SNAPC1: variants seen among roughly 807,000 people sequenced by gnomAD.
SNAPC1 encodes the protein snRNA-activating protein complex subunit 1.
In SNAPC1, 42 loss-of-function variants were observed where a neutral mutation model predicts 50.1. The observed-to-expected ratio is 0.84, with a 90% CI of 0.65 to 1.08. The LOEUF (loss-of-function observed/expected upper bound fraction) is 1.08. Ranked by LOEUF, SNAPC1 falls within the 50% of genes least tolerant of loss-of-function variation. SNAPC1 has a pLI of 0.00. For synonymous variants in SNAPC1, 164 were observed against 144.2 expected, an observed-to-expected ratio of 1.14 and a Z score of -0.98; for missense variants, 477 against 427.3, an observed-to-expected ratio of 1.12 and a Z score of -1.02.
At chr14:61,794,615 A>G (rs1159618014) in intron 9 of SNAPC1, among the ~76,000 whole-genome samples, 1 of 152,122 alleles carries the variant, frequency 6.6e-6, no homozygotes, top group African/African-American at 2.4e-5. Flanking sequence ...TCACCATGTT[A>G]GCCAGGATGG....
chr14:61,770,204 C>G (rs1404075818), intron 4 of SNAPC1, among the ~76,000 whole-genome samples: 1 of 150,824 alleles, frequency 6.6e-6, no homozygotes, highest in Non-Finnish European at 1.5e-5. Flanking sequence ...CTTAGATTTA[C>G]TCAAATGTTT....
chr14:61,774,011 C>T (rs1038805620), intron 4 of SNAPC1, among the ~76,000 whole-genome samples: 1 of 152,056 alleles, frequency 6.6e-6, no homozygotes, highest in Non-Finnish European at 1.5e-5. Context: ...GCACGGCCCC[C>T]AGTTTTAAAA....
chr14:61,779,069 C>G (rs1594648012), intron 7 of SNAPC1, among the ~76,000 whole-genome samples, 159 bp downstream of exon 7: 1 of 152,172 alleles, frequency 6.6e-6, no homozygotes, highest in East Asian at 1.9e-4. Flanking sequence ...CACTTCCCAC[C>G]CTTGTATTCC....
intron 7 of SNAPC1, among the ~76,000 whole-genome samples, chr14:61,780,548 T>C (rs1594648605): frequency 6.6e-6 from 1 of 152,344 alleles, no homozygotes; most frequent in East Asian, 1.9e-4. Context: ...GTTTTTTGTT[T>C]GTTGAATTAA....
chr14:61,788,615 T>C (rs866376662), intron 8 of SNAPC1, among the ~76,000 whole-genome samples: 31 of 152,148 alleles, frequency 2.0e-4, no homozygotes, highest in African/African-American at 7.5e-4. Context: ...ATTAAAGATA[T>C]ATAAATTAAA....
rs187838304 is a variant in SNAPC1 at position 61,785,356 on chromosome 14, G to A, written c.976+2959G>A. On this transcript the variant is annotated intron_variant, in intron 8 of 9. Transcript: ENST00000216294. ...GGAGGTTGCGGTGAGCCAAGATCGC[G>A]CCAAGATGGAGCCTTTGCGCTCCAA... 2.7e-4 allele frequency among the ~76,000 whole-genome samples: 41 copies of A among 152,220 alleles called. 2 individuals carry two copies. Among genetic ancestry groups the A allele is most frequent in the Admixed American group, 2.7e-3 (41 of 15,286 alleles).
At chr14:61,778,244 T>C in intron 6 of SNAPC1, 104 bp downstream of exon 6, 1 of 626,156 alleles carries the variant, frequency 1.6e-6, no homozygotes, top group African/African-American at 1.9e-5. Flanking sequence ...AAATTCTGAA[T>C]CATGCTTCTG....
chr14:61,774,452 A>G (rs2045018676), intron 4 of SNAPC1, among the ~76,000 whole-genome samples: 2 of 152,120 alleles, frequency 1.3e-5, no homozygotes, highest in Admixed American at 6.5e-5. Context: ...ATTGTCATCC[A>G]TTGAGCAAAT....
chr14:61,766,761 A>C, intron 1 of SNAPC1, 115 bp from the exon 2 acceptor site: 3 of 521,630 alleles, frequency 5.8e-6, no homozygotes, highest in Non-Finnish European at 1.0e-5. Flanking sequence ...TGAAAGAATC[A>C]GGTATGGAAT....
At chr14:61,777,020 GAA>G (rs1031652904) in intron 5 of SNAPC1, among the ~76,000 whole-genome samples, 2 of 151,852 alleles carry the variant, frequency 1.3e-5, no homozygotes, top group Non-Finnish European at 2.9e-5. Flanking sequence ...GTAAATCTAG[GAA>G]AAAAAATTTT....
rs138759765 is a variant in SNAPC1, at chr14:61,762,420, AGAGGCGTGCGGGCTTCG to A, written c.-22_-6del. On this transcript the variant is annotated 5_prime_UTR_variant, in exon 1 of 10. Transcript: ENST00000216294. ...GGCGACCACCGCTGGCTAGTCCGTT[AGAGGCGTGCGGGCTTCG>A]GAGGCGTGCGGGCTTCGGGTGCCAT... 78 of 1,388,560 alleles carry A rather than the reference AGAGGCGTGCGGGCTTCG, an allele frequency of 5.6e-5. No homozygotes were observed. The highest frequency in any genetic ancestry group is 3.2e-4 in the African/African-American group (21 of 65,986). 86.0% of individuals were successfully genotyped at this position (1,388,560 alleles called of 1,614,324 possible).
Position 61,792,810 on chromosome 14 carries a change from A to G in SNAPC1, c.980A>G (p.Asn327Ser), listed in dbSNP as rs373863055. The stretch of plus-strand genomic sequence containing the variant: ...ATCATTTTCTAAATATTTCTAGGCA[A>G]TGTGCAGAATATACACAAGGAAGAT... ...GRKMSLRNKG[N>S]VQNIHKEDKP... The change falls in exon 9 of 10, where the codon AAT (asparagine) becomes AGT (serine). Residue 327 changes from asparagine (N) to serine (S), a missense_variant. Transcript: ENST00000216294. 1.2e-5 allele frequency: 18 copies of G among 1,476,348 alleles called. No individual in the cohort carries two copies. Among genetic ancestry groups the G allele is most frequent in the South Asian group, 6.3e-5 (5 of 79,840 alleles). The allele number at this position is 1,476,348 out of a possible 1,614,324, so 91.5% of individuals were successfully genotyped here.
At chr14:61,769,508 C>T (rs957489355) in intron 4 of SNAPC1, among the ~76,000 whole-genome samples, 1 of 150,432 alleles carries the variant, frequency 6.6e-6, no homozygotes, top group South Asian at 2.2e-4. Flanking sequence ...AGCAATTCTC[C>T]TGCCTCAGCC....
Position 61,768,676 on chromosome 14 carries a change from T to G in SNAPC1, c.470T>G (p.Val157Gly). ...AAGAAAAAAATTCACCGAGCTGAAG[T>G]TACAGAAGAATTTAAGGACCCAAGT... ...RMKKKIHRAEVTEEFKDPSDR... is the reference protein window; with the variant it reads ...RMKKKIHRAEGTEEFKDPSDR... The change falls in exon 4 of 10, where the codon GTT becomes GGT. Residue 157 changes from valine (V) to glycine (G), a missense_variant. Coordinates refer to ENST00000216294, the MANE Select transcript of SNAPC1 (RefSeq NM_003082.4). 1 of 1,611,784 alleles carries G rather than the reference T, an allele frequency of 6.2e-7. No homozygotes were observed. The highest frequency in any genetic ancestry group is 8.5e-7 in the Non-Finnish European group (1 of 1,178,146).
intron 7 of SNAPC1, among the ~76,000 whole-genome samples, chr14:61,779,958 C>T (rs2045060481): frequency 6.6e-6 from 1 of 152,176 alleles, no homozygotes; most frequent in Non-Finnish European, 1.5e-5. Context: ...ATCCACCTGC[C>T]TTGGCCTCCC....
intron 4 of SNAPC1, among the ~76,000 whole-genome samples, chr14:61,771,106 C>T (rs1465824920): frequency 1.3e-5 from 2 of 152,056 alleles, no homozygotes; most frequent in Non-Finnish European, 2.9e-5. Context: ...GTGTTCATGT[C>T]CCCCAAAAAG....
intron 4 of SNAPC1, among the ~76,000 whole-genome samples, chr14:61,774,074 A>G (rs1010193974): frequency 1.3e-5 from 2 of 152,126 alleles, no homozygotes; most frequent in South Asian, 4.1e-4. Flanking sequence ...GGTGAGGCAC[A>G]ATAAGGTACA....
At chr14:61,770,176 G>C (rs2044977221) in intron 4 of SNAPC1, among the ~76,000 whole-genome samples, 1 of 151,086 alleles carries the variant, frequency 6.6e-6, no homozygotes. Flanking sequence ...TATTACAATT[G>C]AAAGACAGGG....
At chr14:61,786,949 T>C (rs2045118960) in intron 8 of SNAPC1, among the ~76,000 whole-genome samples, 1 of 152,192 alleles carries the variant, frequency 6.6e-6, no homozygotes, top group South Asian at 2.1e-4. Flanking sequence ...TGCAATGAAA[T>C]ACAACCCAGC....
Sources: allele counts gnomAD v4.1 joint callset (sites outside exome capture counted in the v4.1 genomes callset), GRCh38; gene constraint gnomAD v4.1.1; transcripts MANE v1.5; gene names NCBI Gene and HGNC (gene_info 2026-07-23, HGNC 2026-07-21).